BLTP3A: variants seen among roughly 807,000 people sequenced by gnomAD.
BLTP3A encodes the protein ICBP90 binding protein 1.
the BLTP3A span, among the ~76,000 whole-genome samples, chr6:34,835,775 G>A: frequency 6.6e-6 from 1 of 152,132 alleles, no homozygotes; most frequent in Non-Finnish European, 1.5e-5. Context: ...GATAAATGCT[G>A]TAATACAATA....
At chr6:34,826,439 G>A in the BLTP3A span, among the ~76,000 whole-genome samples, 1 of 150,108 alleles carries the variant, frequency 6.7e-6, no homozygotes, top group Non-Finnish European at 1.5e-5. Flanking sequence ...GCTCACTGCA[G>A]CCTTGAACTC....
At chr6:34,876,203 G>A in the BLTP3A span, 1 of 152,602 alleles carries the variant, frequency 6.6e-6, no homozygotes, top group African/African-American at 2.4e-5. Flanking sequence ...TATAAAACAG[G>A]TGGGTTCTAT....
the BLTP3A span, chr6:34,855,653 A>C: frequency 6.2e-7 from 1 of 1,613,914 alleles, no homozygotes; most frequent in East Asian, 2.2e-5. Context: ...GGTGCCATGC[A>C]GCTTACCTTC....
chr6:34,856,712 G>A, the BLTP3A span: 2 of 1,540,626 alleles, frequency 1.3e-6, no homozygotes, highest in Non-Finnish European at 1.8e-6. Context: ...AATGATCTTA[G>A]GATTTTTACT....
At chr6:34,798,587 TTTCTTTC>T in the BLTP3A span, among the ~76,000 whole-genome samples, 1 of 135,828 alleles carries the variant, frequency 7.4e-6, no homozygotes, top group Non-Finnish European at 1.6e-5. Flanking sequence ...TTTAATTTTC[TTTCTTTC>T]TTTTTTTTTT....
the BLTP3A span, among the ~76,000 whole-genome samples, chr6:34,839,080 G>A: frequency 2.6e-5 from 4 of 152,098 alleles, no homozygotes; most frequent in South Asian, 2.1e-4. Flanking sequence ...GAGAAACCCC[G>A]TCTCTACTAA....
chr6:34,807,380 A>G, the BLTP3A span, among the ~76,000 whole-genome samples: 1 of 152,130 alleles, frequency 6.6e-6, no homozygotes. Context: ...CTAATTCTAG[A>G]ATGATTACAG....
At chr6:34,863,995 T>TAA in the BLTP3A span, 1 of 1,570,992 alleles carries the variant, frequency 6.4e-7, no homozygotes, top group Non-Finnish European at 8.6e-7. Flanking sequence ...TTTTTTTTTT[T>TAA]AAACAGGGAG....
chr6:34,871,933 C>T, the BLTP3A span: 2 of 1,612,524 alleles, frequency 1.2e-6, no homozygotes, highest in African/African-American at 1.3e-5. Context: ...CAGGTGAGGA[C>T]CTAACAGAAC....
chr6:34,868,357 G>T, the BLTP3A span, among the ~76,000 whole-genome samples: 1 of 151,910 alleles, frequency 6.6e-6, no homozygotes, highest in Non-Finnish European at 1.5e-5. Context: ...GGTGGCTCAT[G>T]CCTGTAATCC....
At chr6:34,857,197 T>C in the BLTP3A span, 1,745 of 1,170,294 alleles carry the variant, frequency 1.5e-3, 16 homozygotes, top group South Asian at 0.01. Flanking sequence ...ACACCTGGAA[T>C]ATATGTGAAA....
chr6:34,817,337 G>A, the BLTP3A span, among the ~76,000 whole-genome samples: 3 of 152,250 alleles, frequency 2.0e-5, no homozygotes, highest in East Asian at 3.9e-4. Context: ...TGTCTTTTTG[G>A]TTCAGAGAAT....
chr6:34,794,392 C>T, the BLTP3A span, among the ~76,000 whole-genome samples: 2 of 152,160 alleles, frequency 1.3e-5, no homozygotes, highest in African/African-American at 2.4e-5. Context: ...GGACTTAGCA[C>T]AGTGCCTAAC....
the BLTP3A span, among the ~76,000 whole-genome samples, chr6:34,849,360 A>G: frequency 6.6e-6 from 1 of 152,224 alleles, no homozygotes; most frequent in Non-Finnish European, 1.5e-5. Flanking sequence ...TGAGGCTTAC[A>G]AATAACATCT....
At chr6:34,857,956 C>T in the BLTP3A span, 3 of 1,595,892 alleles carry the variant, frequency 1.9e-6, no homozygotes, top group Non-Finnish European at 2.6e-6. Flanking sequence ...TGTTAGTAGC[C>T]ACAGCTGCAT....
the BLTP3A span, among the ~76,000 whole-genome samples, chr6:34,864,909 A>G: frequency 6.6e-6 from 1 of 152,170 alleles, no homozygotes; most frequent in Non-Finnish European, 1.5e-5. Context: ...TGGAGGATGC[A>G]GTGAGCTGAG....
At chr6:34,799,603 C>T in the BLTP3A span, among the ~76,000 whole-genome samples, 2 of 152,218 alleles carry the variant, frequency 1.3e-5, no homozygotes, top group South Asian at 2.1e-4. Flanking sequence ...TTAACTGCTT[C>T]GAAAAATTGA....
chr6:34,821,898 C>T, the BLTP3A span: 62 of 1,614,116 alleles, frequency 3.8e-5, no homozygotes, highest in Non-Finnish European at 5.2e-5. Flanking sequence ...AGCCCTGAGA[C>T]TTTGCTTTCC....
the BLTP3A span, chr6:34,873,144 A>ATT: frequency 6.6e-6 from 1 of 152,320 alleles, no homozygotes; most frequent in East Asian, 1.9e-4. Context: ...TGGCTCAGTC[A>ATT]TTTAATCTTT....
Sources: allele counts gnomAD v4.1 joint callset (sites outside exome capture counted in the v4.1 genomes callset), GRCh38; gene constraint gnomAD v4.1.1; transcripts MANE v1.5; gene names NCBI Gene and HGNC (gene_info 2026-07-23, HGNC 2026-07-21).